The following CD4 variants were observed in gnomAD, a reference collection of about 807,000 sequenced individuals.
CD4 encodes CD4 molecule.
A neutral mutation model predicts 50.5 loss-of-function variants in CD4; 25 were observed. That is an observed-to-expected ratio of 0.49 (90% CI 0.36 to 0.69). The LOEUF is 0.69. Ranked by LOEUF, CD4 falls within the 30% of genes least tolerant of loss-of-function variation. CD4 has a pLI of 0.00. For missense variants in CD4, 456 were observed against 548.5 expected, an observed-to-expected ratio of 0.83 and a Z score of 1.68; for synonymous variants, 207 against 221.9, an observed-to-expected ratio of 0.93 and a Z score of 0.60.
chr12:6,801,663 T>C (rs1303464556), intron 3 of CD4, among the ~76,000 whole-genome samples: 101 of 147,216 alleles, frequency 6.9e-4, no homozygotes, highest in African/African-American at 2.2e-3. Flanking sequence ...CGGGTTCAAG[T>C]GATTCTCCTG....
intron 1 of CD4, among the ~76,000 whole-genome samples, chr12:6,794,786 G>GTTTTTTTTTTTTTTTTTTTTTT (rs1220016459): frequency 1.2e-4 from 13 of 105,368 alleles, no homozygotes; most frequent in Non-Finnish European, 2.3e-4. Context: ...TTTTTTTTTT[G>GTTTTTTTTTTTTTTTTTTTTTT]TTTTTTTTTT....
chr12:6,793,498 G>A (rs936040047), intron 1 of CD4, among the ~76,000 whole-genome samples: 1 of 152,074 alleles, frequency 6.6e-6, no homozygotes, highest in Non-Finnish European at 1.5e-5. Context: ...TCTCACTGCA[G>A]CCTTCCCCTA....
intron 3 of CD4, among the ~76,000 whole-genome samples, chr12:6,802,340 T>C (rs1380833094): frequency 1.3e-5 from 2 of 151,998 alleles, no homozygotes; most frequent in Non-Finnish European, 2.9e-5. Context: ...TTTTTCTTTT[T>C]GAGACAGGGT....
At chr12:6,805,073 A>G (rs1435114911) in intron 3 of CD4, among the ~76,000 whole-genome samples, 3 of 94,624 alleles carry the variant, frequency 3.2e-5, no homozygotes, top group Non-Finnish European at 6.1e-5. Flanking sequence ...AGTCCCAGCT[A>G]CTGGGGAGGC....
At chr12:6,809,370 C>T (rs974346680) in intron 3 of CD4, among the ~76,000 whole-genome samples, 1 of 151,966 alleles carries the variant, frequency 6.6e-6, no homozygotes, top group Non-Finnish European at 1.5e-5. Context: ...GTGGCACATG[C>T]TTGTAGTCCC....
rs782036951 is a variant in CD4 at position 6,817,252 on chromosome 12, G to T, written c.1078G>T (p.Val360Leu). ...KVSKREKAVW[V>L]LNPEAGMWQC... ...CTCGAAGCGGGAGAAGGCGGTGTGG[G>T]TGCTGAACCCTGAGGCGGGGATGTG... Residue 360 changes from valine to leucine, a missense_variant, in exon 7 of 10, where the codon GTG (valine) becomes TTG (leucine). Val to Leu is a conservative substitution (Grantham distance 32). Coordinates refer to ENST00000011653, the MANE Select transcript of CD4 (RefSeq NM_000616.5). 11 of 1,607,582 alleles carry T rather than the reference G, an allele frequency of 6.8e-6. No individual in the cohort carries two copies. In the South Asian group the frequency reaches 1.2e-4, roughly 18 times the overall value.
intron 1 of CD4, among the ~76,000 whole-genome samples, chr12:6,796,093 C>T (rs1342469086): frequency 1.3e-5 from 2 of 152,224 alleles, no homozygotes; most frequent in East Asian, 3.8e-4. Context: ...CTCCTCCATA[C>T]AATTCAATTT....
In CD4 at chr12:6,798,067, C is replaced by A. The variant is rs149225008; in HGVS notation, c.-67-2005C>A. Among the ~76,000 whole-genome samples, 14 of 152,184 alleles carry A rather than the reference C, an allele frequency of 9.2e-5. No individual in the cohort carries two copies. In the East Asian group the frequency reaches 2.7e-3, roughly 29 times the overall value. On this transcript the variant is annotated intron_variant, in intron 1 of 9. Coordinates refer to ENST00000011653, the MANE Select transcript of CD4 (RefSeq NM_000616.5). The stretch of plus-strand genomic sequence containing the variant: ...AACCTGGACAATACCTAGGCTTTCT[C>A]GGGCAGGGGTTCCTGCGGCCTTCCA...
At position 6,814,871 on chromosome 12, in the gene CD4, C is replaced by T; in HGVS notation, c.486C>T (p.Asn162=). Residue 162 remains asparagine (N), a synonymous_variant, in exon 5 of 10, where the codon AAC becomes AAT. Transcript: ENST00000011653. Reference sequence around the variant, plus strand: ...AATGTAGGAGTCCAAGGGGTAAAAACATACAGGGGGGGAAGACCCTCTCCG... The same window carrying T: ...AATGTAGGAGTCCAAGGGGTAAAAATATACAGGGGGGGAAGACCCTCTCCG... The part of the protein sequence containing the change: ...SVQCRSPRGK[N]IQGGKTLSVS... 6.2e-7 allele frequency: 1 copy of T among 1,613,538 alleles called. No homozygotes were observed. Among genetic ancestry groups the T allele is most frequent in the Non-Finnish European group, 8.5e-7 (1 of 1,179,690 alleles).
In CD4 at chr12:6,792,149, C is replaced by T. The variant is rs538871867; in HGVS notation, c.-68+2487C>T. ...AGAGGGTGAACGCGGTGGGGCACAT[C>T]CCGCGGCTGGGCTTGAGTGGGCTGC... On this transcript the variant is annotated intron_variant, in intron 1 of 9. Coordinates refer to ENST00000011653, the MANE Select transcript of CD4 (RefSeq NM_000616.5). This position sits in a 1 kb window ranked among gnomAD's most constrained non-coding sequence, Gnocchi z 4.1. 4.6e-5 allele frequency among the ~76,000 whole-genome samples: 7 copies of T among 152,230 alleles called. No homozygotes were observed. Among genetic ancestry groups the T allele is most frequent in the Middle Eastern group, 3.4e-3 (1 of 294 alleles).
intron 3 of CD4, among the ~76,000 whole-genome samples, chr12:6,802,764 T>G (rs905788050): frequency 6.6e-6 from 1 of 152,082 alleles, no homozygotes; most frequent in African/African-American, 2.4e-5. Flanking sequence ...TGAGACGGAG[T>G]CTCGGTCTGT....
At chr12:6,809,932 C>T (rs1942888330) in intron 3 of CD4, among the ~76,000 whole-genome samples, 1 of 140,614 alleles carries the variant, frequency 7.1e-6, no homozygotes, top group Admixed American at 7.7e-5. Context: ...CTCTCTCATC[C>T]AGGCTGGAGT....
Position 6,818,999 on chromosome 12 carries a change from G to A in CD4, c.1346+85G>A. ...AGGAGGGGGAGGAAGGGGAGCAAAG[G>A]GGGGCAGGAAGGGAGGATGGAGAGG... On this transcript the variant is annotated intron_variant, in intron 9 of 9. Transcript: ENST00000011653. This position sits in a 1 kb window ranked among gnomAD's most constrained non-coding sequence, Gnocchi z 5.0. 1 of 773,200 alleles carries A rather than the reference G, an allele frequency of 1.3e-6. No individual in the cohort carries two copies. Among genetic ancestry groups the A allele is most frequent in the South Asian group, 1.6e-5 (1 of 63,190 alleles). The allele number at this position is 773,200 out of a possible 1,614,324, so 47.9% of individuals were successfully genotyped here.
At chr12:6,802,139 G>T (rs1288322518) in intron 3 of CD4, among the ~76,000 whole-genome samples, 2 of 152,142 alleles carry the variant, frequency 1.3e-5, no homozygotes, top group Non-Finnish European at 2.9e-5. Flanking sequence ...CTCCCAAAGT[G>T]CTGGGATTAC....
At chr12:6,793,955 G>A (rs1942272564) in intron 1 of CD4, among the ~76,000 whole-genome samples, 1 of 51,700 alleles carries the variant, frequency 1.9e-5, no homozygotes. Flanking sequence ...CACGACACCC[G>A]GCTTCTATCT....
At chr12:6,805,518 T>G (rs10849520) in intron 3 of CD4, among the ~76,000 whole-genome samples, 149,956 of 149,958 alleles carry the variant, frequency 1, 74,977 homozygotes, top group Middle Eastern at 1. Flanking sequence ...CCAAGACTGT[T>G]CCACTGCACT....
rs182712779 is a variant in CD4, at chr12:6,794,468, T to G, written c.-68+4806T>G. Among the ~76,000 whole-genome samples the G allele has an allele frequency of 6.4e-3, 966 of 151,194 alleles. 7 individuals are homozygous for G. The highest frequency in any genetic ancestry group is 0.022 in the African/African-American group (912 of 41,106). On this transcript the variant is annotated intron_variant, in intron 1 of 9. Coordinates refer to ENST00000011653, the MANE Select transcript of CD4 (RefSeq NM_000616.5). ...CTCACTGCAACCTCCGCCTCCCGGG[T>G]TCAAGTGATTCTCCTGCCTCAGCCT...
intron 7 of CD4, among the ~76,000 whole-genome samples, chr12:6,817,664 ACTCACACACATACACT>A (rs1182190246): frequency 6.6e-6 from 1 of 151,588 alleles, no homozygotes; most frequent in Non-Finnish European, 1.5e-5. Context: ...TTACACACAC[ACTCACACACATACACT>A]CTCACACACA....
chr12:6,793,404 C>T (rs1468680562), intron 1 of CD4, among the ~76,000 whole-genome samples: 1 of 152,110 alleles, frequency 6.6e-6, no homozygotes, highest in East Asian at 1.9e-4. Flanking sequence ...CTCTTTCATC[C>T]CCTGCTCACC....
Sources: gnomAD v4.1 joint callset for allele counts (sites outside exome capture counted in the v4.1 genomes callset) on GRCh38, gnomAD v4.1.1 for gene constraint, Gnocchi (gnomAD v3.1) non-coding constraint, MANE v1.5 for transcripts, NCBI Gene and HGNC (gene_info 2026-07-23, HGNC 2026-07-21) for gene names.